The following BICD1 variants were observed in gnomAD, a reference collection of about 807,000 sequenced individuals.
BICD1 encodes BICD cargo adaptor 1, also known as protein bicaudal D homolog 1.
In BICD1, 35 loss-of-function variants were observed where a neutral mutation model predicts 92.5. The ratio of observed to expected loss-of-function variants is 0.38; its 90% CI spans 0.29 to 0.50. The LOEUF is 0.50. BICD1 is among the 20% of genes least tolerant of loss of function. BICD1 has a pLI of 0.93. For missense variants in BICD1, 950 were observed against 1,189.8 expected (o/e 0.80, Z 2.97); for synonymous variants, 429 against 465.1 (o/e 0.92, Z 1.00).
At chr12:32,183,457 G>C (rs1383816552) in intron 1 of BICD1, among the ~76,000 whole-genome samples, 4 of 151,906 alleles carry the variant, frequency 2.6e-5, no homozygotes, top group Non-Finnish European at 5.9e-5. Flanking sequence ...AGTAGAGACA[G>C]GGTTTCACCA....
At chr12:32,307,840 G>GC (rs759066258) in intron 4 of BICD1, among the ~76,000 whole-genome samples, 4 of 152,112 alleles carry the variant, frequency 2.6e-5, no homozygotes, top group Non-Finnish European at 4.4e-5. Context: ...AAGAATTTGT[G>GC]CCCCCCAGAT....
intron 4 of BICD1, among the ~76,000 whole-genome samples, chr12:32,323,490 C>G (rs776216878): frequency 6.6e-6 from 1 of 152,204 alleles, no homozygotes; most frequent in Non-Finnish European, 1.5e-5. Context: ...AGTCACATAG[C>G]TAAGTAAATG....
At position 32,291,258 on chromosome 12, in the gene BICD1, C is replaced by T. The variant is rs866421739; in HGVS notation, c.427-2736C>T. Among the ~76,000 whole-genome samples, 39 of 152,194 alleles carry T rather than the reference C, an allele frequency of 2.6e-4. 1 individual carries two copies. In the Middle Eastern group the frequency reaches 0.027, roughly 106 times the overall value. ...CAGTTAACATCTATAGAATATGGGC[C>T]GGGTGTAGTGGCTCACGCTTATAAT... On this transcript the variant is annotated intron_variant, in intron 2 of 9. Coordinates refer to ENST00000652176, the MANE Select transcript of BICD1 (RefSeq NM_001714.4).
intron 1 of BICD1, among the ~76,000 whole-genome samples, chr12:32,119,503 G>A (rs186358562): frequency 6.6e-6 from 1 of 152,284 alleles, no homozygotes; most frequent in East Asian, 1.9e-4. Flanking sequence ...TAGAGATGCA[G>A]CCAGGGTAAA....
intron 2 of BICD1, among the ~76,000 whole-genome samples, chr12:32,236,415 A>G (rs2136071061): frequency 6.6e-6 from 1 of 152,110 alleles, no homozygotes; most frequent in Non-Finnish European, 1.5e-5. Flanking sequence ...AATAATAAAG[A>G]CTTAATTGAT....
intron 2 of BICD1, among the ~76,000 whole-genome samples, chr12:32,270,054 G>C (rs1947096944): frequency 6.7e-6 from 1 of 149,186 alleles, no homozygotes; most frequent in Non-Finnish European, 1.5e-5. Context: ...CCAGGAGGCG[G>C]ATGTTGCAGT....
At chr12:32,243,404 G>T (rs1263160175) in intron 2 of BICD1, among the ~76,000 whole-genome samples, 1 of 151,332 alleles carries the variant, frequency 6.6e-6, no homozygotes, top group African/African-American at 2.4e-5. Context: ...ATGAGCAACT[G>T]CGTCTGGCCA....
chr12:32,196,379 C>T (rs1345242133), intron 1 of BICD1, among the ~76,000 whole-genome samples: 2 of 152,182 alleles, frequency 1.3e-5, no homozygotes, highest in African/African-American at 4.8e-5. Flanking sequence ...ATGGAAACAA[C>T]CTAAGTATCT....
At chr12:32,165,950 G>A (rs1943750964) in intron 1 of BICD1, among the ~76,000 whole-genome samples, 1 of 151,922 alleles carries the variant, frequency 6.6e-6, no homozygotes, top group Admixed American at 6.6e-5. Context: ...TTCTTGAGTT[G>A]TTTCTGTGAA....
chr12:32,351,367 T>A (rs1938867643), intron 8 of BICD1, among the ~76,000 whole-genome samples: 1 of 150,704 alleles, frequency 6.6e-6, no homozygotes, highest in African/African-American at 2.4e-5. Context: ...ACGCCTGTAA[T>A]TTCAGCTACT....
At chr12:32,277,762 T>TC (rs527693071) in intron 2 of BICD1, among the ~76,000 whole-genome samples, 106 of 152,236 alleles carry the variant, frequency 7.0e-4, no homozygotes, top group Admixed American at 7.9e-4. Flanking sequence ...CTATATTAAT[T>TC]CCCCCCTTTC....
At position 32,293,129 on chromosome 12, in the gene BICD1, A is replaced by G. The variant is rs533005929; in HGVS notation, c.427-865A>G. The stretch of plus-strand genomic sequence containing the variant: ...TTCTTTATAAGTCACCGCTATTGAC[A>G]GTTTTCTGGATATTCTTACAAATAT... On this transcript the variant is annotated intron_variant, in intron 2 of 9. Transcript: ENST00000652176. Among the ~76,000 whole-genome samples the G allele has an allele frequency of 1.8e-4, 28 of 152,252 alleles. No individual in the cohort carries two copies. The South Asian group carries it at 2.9e-3, about 16-fold the overall frequency.
chr12:32,382,917 C>T lies in BICD1; in HGVS notation c.*5290C>T, dbSNP rs1292940129. 5 of 151,994 alleles carry T rather than the reference C, an allele frequency of 3.3e-5. No homozygotes were observed. Among genetic ancestry groups the T allele is most frequent in the Non-Finnish European group, 7.4e-5 (5 of 67,936 alleles). The allele number at this position is 151,994 out of a possible 1,614,324, so 9.4% of individuals were successfully genotyped here. ...CATAGGTATGATTTGTGCAGCCAGT[C>T]TTAGAGGAAATACATCATTTTAACA... On this transcript the variant is annotated 3_prime_UTR_variant, in exon 10 of 10. Coordinates refer to ENST00000652176, the MANE Select transcript of BICD1 (RefSeq NM_001714.4).
chr12:32,172,144 A>G (rs566502135), intron 1 of BICD1, among the ~76,000 whole-genome samples: 2 of 152,126 alleles, frequency 1.3e-5, no homozygotes, highest in African/African-American at 4.8e-5. Flanking sequence ...GCTTGTATCT[A>G]TGTGGTAAGT....
chr12:32,332,683 C>T (rs200253927), intron 5 of BICD1: 173 of 310,980 alleles, frequency 5.6e-4, no homozygotes, highest in African/African-American at 3.7e-3. Context: ...CCTAGAGGAG[C>T]GGAAAAGACT....
intron 8 of BICD1, among the ~76,000 whole-genome samples, chr12:32,365,145 G>A (rs972723395): frequency 6.6e-6 from 1 of 152,216 alleles, no homozygotes; most frequent in East Asian, 1.9e-4. Flanking sequence ...GCTGAGGCAG[G>A]AGAATTGCAT....
chr12:32,285,607 G>C (rs1308969209), intron 2 of BICD1, among the ~76,000 whole-genome samples: 1 of 152,106 alleles, frequency 6.6e-6, no homozygotes, highest in Admixed American at 6.5e-5. Flanking sequence ...AAACTAAACT[G>C]TAAGAATGCT....
At chr12:32,146,694 C>G (rs977689934) in intron 1 of BICD1, among the ~76,000 whole-genome samples, 1 of 152,160 alleles carries the variant, frequency 6.6e-6, no homozygotes, top group Non-Finnish European at 1.5e-5. Context: ...ACAGAGCCCA[C>G]GAAGTGTGGC....
intron 1 of BICD1, among the ~76,000 whole-genome samples, chr12:32,123,744 G>T (rs1327130287): frequency 6.6e-6 from 1 of 152,136 alleles, no homozygotes; most frequent in African/African-American, 2.4e-5. Flanking sequence ...CAGGCGTGGT[G>T]GCAGGTGCCT....
Sources: gnomAD v4.1 joint callset for allele counts (sites outside exome capture counted in the v4.1 genomes callset) on GRCh38, gnomAD v4.1.1 for gene constraint, MANE v1.5 for transcripts, NCBI Gene and HGNC (gene_info 2026-07-23, HGNC 2026-07-21) for gene names.